MPP2: variants seen among roughly 807,000 people sequenced by gnomAD.
The protein encoded by MPP2 is MAGUK p55 scaffold protein 2, also known as MAGUK p55 subfamily member 2.
In MPP2, 42 loss-of-function variants were observed where a neutral mutation model predicts 58.5. The ratio of observed to expected loss-of-function variants is 0.72; its 90% CI spans 0.56 to 0.93. MPP2 has a LOEUF of 0.93. Among genes scored for constraint, MPP2 ranks in the 40% least tolerant of loss-of-function variants. The pLI is 0.00. For missense variants in MPP2, 632 were observed against 760.4 expected, an observed-to-expected ratio of 0.83 and a Z score of 1.99; for synonymous variants, 300 against 307.8, an observed-to-expected ratio of 0.97 and a Z score of 0.26.
chr17:43,879,703 G>T lies in MPP2; in HGVS notation c.1353+79C>A. ...GTACATGGGCGTGTTCAGGTGACAGGTGTCTGGAACTATATGGGGGAGCAA... is the reference window on the plus strand; with the variant it reads ...GTACATGGGCGTGTTCAGGTGACAGTTGTCTGGAACTATATGGGGGAGCAA... On this transcript the variant is annotated intron_variant, in intron 11 of 12. Transcript: ENST00000269095. The surrounding 1 kb of genome is among the most constrained non-coding windows in gnomAD (Gnocchi z 4.1). The T allele has an allele frequency of 6.7e-7, 1 of 1,501,790 alleles. No individual in the cohort carries two copies. Among genetic ancestry groups the T allele is most frequent in the Non-Finnish European group, 9.1e-7 (1 of 1,095,794 alleles). 93.0% of individuals were successfully genotyped at this position (1,501,790 alleles called of 1,614,324 possible). A position where few individuals can be genotyped will look rare whatever the true frequency, so the allele number is the denominator to read the frequency against.
chr17:43,888,775 G>A (rs1305992169), intron 3 of MPP2, among the ~76,000 whole-genome samples: 2 of 152,036 alleles, frequency 1.3e-5, no homozygotes, highest in African/African-American at 4.8e-5. Flanking sequence ...TCCCACCATG[G>A]GCTAATCCAT....
At chr17:43,908,808 G>A (rs2048374248), upstream of MPP2, among the ~76,000 whole-genome samples, 2 of 152,218 alleles carry the variant, frequency 1.3e-5, no homozygotes, top group African/African-American at 4.8e-5. Flanking sequence ...TGGTCCCTGG[G>A]TTCCAAGACT....
chr17:43,875,793 A>C lies in MPP2; in HGVS notation c.*2014T>G, dbSNP rs1235847838. On this transcript the variant is annotated 3_prime_UTR_variant, in exon 13 of 13. Coordinates refer to ENST00000269095, the MANE Select transcript of MPP2 (RefSeq NM_005374.5). The stretch of plus-strand genomic sequence containing the variant: ...AAGGTGCCATGAAGGCCAGGTACCC[A>C]ACCCATCTCCATCAGAGATGATGGT... The C allele has an allele frequency of 1.3e-5, 2 of 152,244 alleles. No homozygotes were observed. Among genetic ancestry groups the C allele is most frequent in the African/African-American group, 4.8e-5 (2 of 41,440 alleles). 9.4% of individuals were successfully genotyped at this position (152,244 alleles called of 1,614,324 possible).
Position 43,879,191 on chromosome 17 carries a change from C to A in MPP2, c.1482+84G>T. 3 of 1,511,654 alleles carry A rather than the reference C, an allele frequency of 2.0e-6. No homozygotes were observed. Among genetic ancestry groups the A allele is most frequent in the Non-Finnish European group, 2.7e-6 (3 of 1,114,740 alleles). 93.6% of individuals were successfully genotyped at this position (1,511,654 alleles called of 1,614,324 possible). ...AGGCCCCTGTCCCTCCCCAACACCA[C>A]CTCCTTCTCTCTGTCAGCTCAGGCC... On this transcript the variant is annotated intron_variant, in intron 12 of 12. Coordinates refer to ENST00000269095, the MANE Select transcript of MPP2 (RefSeq NM_005374.5). The surrounding 1 kb of genome is among the most constrained non-coding windows in gnomAD (Gnocchi z 4.1).
chr17:43,894,643 C>T (rs1386864995), intron 3 of MPP2, among the ~76,000 whole-genome samples: 1 of 126,498 alleles, frequency 7.9e-6, no homozygotes, highest in Non-Finnish European at 1.7e-5. Flanking sequence ...AAAAAGCACA[C>T]ATAACAAAGG....
At position 43,882,460 on chromosome 17, in the gene MPP2, G is replaced by A; in HGVS notation, c.505C>T (p.His169Tyr). ...GGELVIARIL[H>Y]GGMVAQQGLL... ...CCTTGTTGAGCCACCATGCCCCCAT[G>A]CAGAATGCGCGCGATCACCAGCTCG... The change falls in exon 6 of 13, where the codon CAT becomes TAT. Residue 169 changes from histidine (H) to tyrosine (Y), a missense_variant. Coordinates refer to ENST00000269095, the MANE Select transcript of MPP2 (RefSeq NM_005374.5). 2 of 1,607,918 alleles carry A rather than the reference G, an allele frequency of 1.2e-6. No homozygotes were observed. Among genetic ancestry groups the A allele is most frequent in the Non-Finnish European group, 1.7e-6 (2 of 1,179,952 alleles).
Position 43,882,463 on chromosome 17 carries a change from G to A in MPP2, c.502C>T (p.Leu168=). Residue 168 remains leucine (L), a synonymous_variant, in exon 6 of 13, where the codon CTG becomes TTG. Coordinates refer to ENST00000269095, the MANE Select transcript of MPP2 (RefSeq NM_005374.5). ...TGTTGAGCCACCATGCCCCCATGCA[G>A]AATGCGCGCGATCACCAGCTCGCCG... ...EGGELVIARI[L]HGGMVAQQGL... The A allele has an allele frequency of 1.9e-6, 3 of 1,607,466 alleles. No homozygotes were observed. The highest frequency in any genetic ancestry group is 2.5e-6 in the Non-Finnish European group (3 of 1,179,878).
rs564636607 is a variant in MPP2, at chr17:43,881,079, C to T, written c.988+11G>A. 2 of 1,613,604 alleles carry T rather than the reference C, an allele frequency of 1.2e-6. No homozygotes were observed. The highest frequency in any genetic ancestry group is 1.7e-6 in the Non-Finnish European group (2 of 1,179,896). On this transcript the variant is annotated intron_variant, in intron 9 of 12. Transcript: ENST00000269095. ...AGAGGAGGGTAAGGGAGGGGGCGCT[C>T]TGATACCCACCTGCATTCTTGGTGG...
chr17:43,889,805 GTTT>G (rs869131021), intron 3 of MPP2, among the ~76,000 whole-genome samples: 1 of 37,920 alleles, frequency 2.6e-5, no homozygotes, highest in Admixed American at 4.1e-4. Flanking sequence ...GTCCAAATGC[GTTT>G]TTTTTTTTGT....
rs1360108687 is a variant in MPP2, at chr17:43,882,488, GC to G, written c.476del (p.Gly159AlafsTer5). The G allele has an allele frequency of 6.2e-7, 1 of 1,604,672 alleles. No individual in the cohort carries two copies. Among genetic ancestry groups the G allele is most frequent in the Non-Finnish European group, 8.5e-7 (1 of 1,179,900 alleles). On this transcript the variant is annotated frameshift_variant, in exon 6 of 13. Coordinates refer to ENST00000269095, the MANE Select transcript of MPP2 (RefSeq NM_005374.5). LOFTEE classifies it high-confidence loss of function. ...GAATGCGCGCGATCACCAGCTCGCC[GC>G]CCTCCACGCGGAACGTTACACCCTG... Reference protein sequence around the residue: ...EHLGVTFRVEGGELVIARILH... With the variant: ...EHLGVTFRVEXGELVIARILH...
intron 3 of MPP2, among the ~76,000 whole-genome samples, chr17:43,889,608 G>A (rs1042778760): frequency 2.0e-5 from 3 of 151,604 alleles, no homozygotes; most frequent in East Asian, 1.9e-4. Context: ...TGATCCGCCC[G>A]GCTCAGCCTC....
Position 43,879,529 on chromosome 17 carries a change from G to A in MPP2, c.1354-126C>T, listed in dbSNP as rs1025185523. The A allele has an allele frequency of 8.0e-7, 1 of 1,244,224 alleles. No homozygotes were observed. The highest frequency in any genetic ancestry group is 1.1e-6 in the Non-Finnish European group (1 of 875,694). The allele number at this position is 1,244,224 out of a possible 1,614,324, so 77.1% of individuals were successfully genotyped here. On this transcript the variant is annotated intron_variant, in intron 11 of 12. Transcript: ENST00000269095. The surrounding 1 kb of genome is among the most constrained non-coding windows in gnomAD (Gnocchi z 4.1). ...AGTGGATGAGAAAAGGGTGCCCGGG[G>A]GTCTGGGACATGAGTCCTGGGACAA...
intron 3 of MPP2, chr17:43,884,245 AATTTT>A: frequency 3.2e-6 from 2 of 617,260 alleles, no homozygotes; most frequent in Non-Finnish European, 5.8e-6. Flanking sequence ...TATCCTTTAT[AATTTT>A]ATTTTTTCTG....
intron 2 of MPP2, chr17:43,900,433 C>T: frequency 6.5e-7 from 1 of 1,543,902 alleles, no homozygotes; most frequent in Non-Finnish European, 8.7e-7. Flanking sequence ...GGCTAAGGGG[C>T]CAGCTGCCCC....
At chr17:43,896,732 C>A (rs1400528195) in intron 3 of MPP2, among the ~76,000 whole-genome samples, 2 of 152,168 alleles carry the variant, frequency 1.3e-5, no homozygotes, top group Non-Finnish European at 2.9e-5. Flanking sequence ...GGTCCCCATC[C>A]ATTTAATTCC....
chr17:43,894,012 C>T (rs143541503), intron 3 of MPP2, among the ~76,000 whole-genome samples: 5 of 151,340 alleles, frequency 3.3e-5, no homozygotes, highest in East Asian at 1.9e-4. Flanking sequence ...TGGTGGCTCA[C>T]GCCTGTAATC....
intron 3 of MPP2, among the ~76,000 whole-genome samples, chr17:43,888,581 G>C (rs920812193): frequency 6.6e-6 from 1 of 152,184 alleles, no homozygotes; most frequent in African/African-American, 2.4e-5. Flanking sequence ...GGCTCTTTTG[G>C]GTTAACAGGA....
intron 2 of MPP2, chr17:43,901,448 G>A: frequency 1.0e-6 from 1 of 985,500 alleles, no homozygotes; most frequent in Non-Finnish European, 1.2e-6. Flanking sequence ...GGGCAGAAGG[G>A]AAGGACTCAG....
chr17:43,890,995 C>T (rs549349409), intron 3 of MPP2, among the ~76,000 whole-genome samples: 15 of 152,288 alleles, frequency 9.8e-5, no homozygotes, highest in Admixed American at 7.2e-4. Context: ...CGACACAGCA[C>T]GATGGTTTGT....
Sources: gnomAD v4.1 joint callset for allele counts (sites outside exome capture counted in the v4.1 genomes callset) on GRCh38, gnomAD v4.1.1 for gene constraint, Gnocchi (gnomAD v3.1) non-coding constraint, MANE v1.5 for transcripts, NCBI Gene and HGNC (gene_info 2026-07-23, HGNC 2026-07-21) for gene names.